Variants in SULT1C4 observed in about 807,000 individuals in gnomAD.
SULT1C4 encodes the protein sulfotransferase family 1C member 4.
In SULT1C4, 32 loss-of-function variants were observed where a neutral mutation model predicts 34.8. The observed-to-expected ratio is 0.92, with a 90% CI of 0.69 to 1.23. The LOEUF (loss-of-function observed/expected upper bound fraction) is 1.23. SULT1C4 is among the 50% of genes most tolerant of loss of function. SULT1C4 has a pLI of 0.00. For synonymous variants in SULT1C4, 111 were observed against 120.5 expected, an observed-to-expected ratio of 0.92 and a Z score of 0.51; for missense variants, 375 against 365.9, an observed-to-expected ratio of 1.02 and a Z score of -0.20.
At chr2:108,380,301 G>A (rs1247345411) in intron 1 of SULT1C4, among the ~76,000 whole-genome samples, 1 of 152,012 alleles carries the variant, frequency 6.6e-6, no homozygotes, top group Admixed American at 6.6e-5. Context: ...ATCTTTTGAG[G>A]CTAGAAGATT....
chr2:108,387,081 C>T (rs1039516839), intron 6 of SULT1C4, among the ~76,000 whole-genome samples: 6 of 152,172 alleles, frequency 3.9e-5, no homozygotes, highest in Non-Finnish European at 8.8e-5. Flanking sequence ...TGTAACATGG[C>T]GGTCTCGCCC....
chr2:108,383,404 C>T lies in SULT1C4; in HGVS notation c.521-12C>T, dbSNP rs182083153. The T allele has an allele frequency of 4.7e-5, 76 of 1,612,948 alleles. No individual in the cohort carries two copies. The African/African-American group carries it at 8.4e-4, about 18-fold the overall frequency. On this transcript the variant is annotated splice_polypyrimidine_tract_variant and intron_variant, in intron 4 of 6. Transcript: ENST00000272452. ...TGTGACTCATTGTCCTGTTTTCCAT[C>T]CCATCCTCCAGTGTGCTGGGGCTCC...
chr2:108,383,503 TGAA>T lies in SULT1C4; in HGVS notation c.613_615del (p.Lys205del). 1 of 1,613,858 alleles carries T rather than the reference TGAA, an allele frequency of 6.2e-7. No individual in the cohort carries two copies. Among genetic ancestry groups the T allele is most frequent in the Non-Finnish European group, 8.5e-7 (1 of 1,179,792 alleles). On this transcript the variant is annotated inframe_deletion, in exon 5 of 7. Coordinates refer to ENST00000272452, the MANE Select transcript of SULT1C4 (RefSeq NM_006588.4). The stretch of plus-strand genomic sequence containing the variant: ...ATTCTCTATCTCTTCTATGAGGACA[TGAA>T]GAAGGTGAGCACAGTGCCATCTAAG...
Position 108,383,510 on chromosome 2 carries a change from G to C in SULT1C4, c.615G>C (p.Lys205Asn). The part of the protein sequence containing the change: ...ILYLFYEDMK[K>N]NPKHEIQKLA... ...ATCTCTTCTATGAGGACATGAAGAAGGTGAGCACAGTGCCATCTAAGGTGT... is the reference window on the plus strand; with the variant it reads ...ATCTCTTCTATGAGGACATGAAGAACGTGAGCACAGTGCCATCTAAGGTGT... The change falls in exon 5 of 7, where the codon AAG (lysine) becomes AAC (asparagine). Residue 205 changes from lysine (K) to asparagine (N), a missense_variant and splice_region_variant. Transcript: ENST00000272452. The C allele has an allele frequency of 6.2e-7, 1 of 1,613,590 alleles. No homozygotes were observed. The highest frequency in any genetic ancestry group is 8.5e-7 in the Non-Finnish European group (1 of 1,179,626).
At position 108,387,226 on chromosome 2, in the gene SULT1C4, C is replaced by T; in HGVS notation, c.797-94C>T. ...TTGTCCAATACTGCCCTTCCTAGAA[C>T]ATGGCATAGAAATCATCATACAGAA... On this transcript the variant is annotated intron_variant, in intron 6 of 6. Coordinates refer to ENST00000272452, the MANE Select transcript of SULT1C4 (RefSeq NM_006588.4). 1.2e-5 allele frequency: 11 copies of T among 944,608 alleles called. No homozygotes were observed. The South Asian group carries it at 1.6e-4, about 14-fold the overall frequency. 58.5% of individuals were successfully genotyped at this position (944,608 alleles called of 1,614,324 possible).
intron 5 of SULT1C4, among the ~76,000 whole-genome samples, chr2:108,385,786 G>C (rs978488698): frequency 6.6e-6 from 1 of 152,180 alleles, no homozygotes; most frequent in African/African-American, 2.4e-5. Context: ...GCAGTCTGGG[G>C]ACATTTCTGT....
At chr2:108,384,954 G>C (rs2104347478) in intron 5 of SULT1C4, among the ~76,000 whole-genome samples, 1 of 152,338 alleles carries the variant, frequency 6.6e-6, no homozygotes, top group South Asian at 2.1e-4. Context: ...TCACCATTTA[G>C]ATGCACTTCT....
intron 1 of SULT1C4, among the ~76,000 whole-genome samples, chr2:108,381,216 AT>A (rs1558700447): frequency 1.3e-5 from 2 of 152,352 alleles, no homozygotes; most frequent in East Asian, 3.9e-4. Flanking sequence ...ACAGAAAAAA[AT>A]AAATGTATAT....
intron 5 of SULT1C4, among the ~76,000 whole-genome samples, chr2:108,383,874 TG>T (rs1166929677): frequency 9.9e-5 from 15 of 151,960 alleles, no homozygotes; most frequent in African/African-American, 3.4e-4. Context: ...TTTTTGTTTT[TG>T]TTTTTGAGAC....
At chr2:108,385,488 T>C (rs1170166955) in intron 5 of SULT1C4, among the ~76,000 whole-genome samples, 1 of 152,198 alleles carries the variant, frequency 6.6e-6, no homozygotes, top group Non-Finnish European at 1.5e-5. Flanking sequence ...TGAAACATTT[T>C]TGACATACAA....
At chr2:108,379,076 C>T (rs1678321425) in intron 1 of SULT1C4, among the ~76,000 whole-genome samples, 1 of 152,138 alleles carries the variant, frequency 6.6e-6, no homozygotes, top group Non-Finnish European at 1.5e-5. Flanking sequence ...AGCCGAGCCA[C>T]CACGTCATAA....
chr2:108,387,021 A>T (rs41469348), intron 6 of SULT1C4, among the ~76,000 whole-genome samples: 7 of 152,254 alleles, frequency 4.6e-5, no homozygotes, highest in South Asian at 4.2e-4. Flanking sequence ...CCATGCTTCA[A>T]TGTGCAACAG....
In SULT1C4 at chr2:108,383,095, A is replaced by C; in HGVS notation, c.396A>C (p.Ile132=). Reference sequence around the variant, plus strand: ...TCCCCTCCCCTCATCATTCCCAGATAATCTATGTAGCAAGAAATCCCAAGG... The same window carrying C: ...TCCCCTCCCCTCATCATTCCCAGATCATCTATGTAGCAAGAAATCCCAAGG... ...PPSLLEKNCK[I]IYVARNPKDN... is the part of the protein sequence containing the mutation. Residue 132 remains isoleucine (I), a splice_region_variant and synonymous_variant, in exon 4 of 7, where the codon ATA becomes ATC. Coordinates refer to ENST00000272452, the MANE Select transcript of SULT1C4 (RefSeq NM_006588.4). 1 of 1,578,460 alleles carries C rather than the reference A, an allele frequency of 6.3e-7. No homozygotes were observed. The highest frequency in any genetic ancestry group is 8.6e-7 in the Non-Finnish European group (1 of 1,165,558).
rs1003602018 is a variant in SULT1C4, at chr2:108,378,620, A to ATGGC, written c.169+116_169+119dup. 47 of 1,198,790 alleles carry ATGGC rather than the reference A, an allele frequency of 3.9e-5. No individual in the cohort carries two copies. In the African/African-American group the frequency reaches 7.2e-4, roughly 18 times the overall value. The allele number at this position is 1,198,790 out of a possible 1,614,324, so 74.3% of individuals were successfully genotyped here. A position where few individuals can be genotyped will look rare whatever the true frequency, so the allele number is the denominator to read the frequency against. On this transcript the variant is annotated intron_variant, in intron 1 of 6. Transcript: ENST00000272452. ...TCTGGAAAACTCTGGACAGAGTGAT[A>ATGGC]TGGCTAAGGAAAGTTACTAGTGGAA...
rs41323848 is a variant in SULT1C4, at chr2:108,385,568, G to A, written c.616-624G>A. On this transcript the variant is annotated intron_variant, in intron 5 of 6. Transcript: ENST00000272452. ...GCGCTTCCACTTTCCTTCCCCACCC[G>A]CCCTCTGCTCCTAGAGATGGAGGCG... Among the ~76,000 whole-genome samples, 731 of 152,004 alleles carry A rather than the reference G, an allele frequency of 4.8e-3. 5 individuals carry two copies. The highest frequency in any genetic ancestry group is 0.017 in the African/African-American group (691 of 41,462).
At chr2:108,382,741 CA>C in intron 3 of SULT1C4, 2 of 412,510 alleles carry the variant, frequency 4.8e-6, no homozygotes, top group Non-Finnish European at 8.6e-6. Context: ...CCATCTCTAC[CA>C]AAAACACAAA....
At chr2:108,387,271 C>T (rs376541818) in intron 6 of SULT1C4, 49 bp from the exon 7 acceptor site, 13 of 1,393,472 alleles carry the variant, frequency 9.3e-6, no homozygotes, top group East Asian at 4.6e-5. Context: ...TAGGGAAGCA[C>T]AGACTCTTCC....
chr2:108,387,295 C>A (rs912094296), intron 6 of SULT1C4, 25 bp from the exon 7 acceptor site: 1 of 1,557,384 alleles, frequency 6.4e-7, no homozygotes, highest in Admixed American at 1.7e-5. Flanking sequence ...AGCTACTGAA[C>A]CTCTCCCACA....
intron 1 of SULT1C4, 94 bp from the exon 2 acceptor site, chr2:108,381,668 C>G (rs983195552): frequency 7.9e-7 from 1 of 1,271,764 alleles, no homozygotes; most frequent in African/African-American, 1.5e-5. Context: ...CAAAACAAAA[C>G]AAAAGACATA....
Sources: gnomAD v4.1 joint callset for allele counts (sites outside exome capture counted in the v4.1 genomes callset) on GRCh38, gnomAD v4.1.1 for gene constraint, MANE v1.5 for transcripts, NCBI Gene and HGNC (gene_info 2026-07-23, HGNC 2026-07-21) for gene names.